Variants in MSI2 observed in about 807,000 individuals in gnomAD.
MSI2 encodes the protein musashi RNA binding protein 2, also known as RNA-binding protein Musashi homolog 2.
A neutral mutation model predicts 45.6 loss-of-function variants in MSI2; 17 were observed. The observed-to-expected ratio is 0.37, with a 90% CI of 0.26 to 0.56. The LOEUF (loss-of-function observed/expected upper bound fraction) is 0.56. MSI2 is among the 20% of genes least tolerant of loss of function. The pLI, the probability that MSI2 is intolerant of heterozygous loss-of-function variation, is 0.77. For synonymous variants in MSI2, 156 were observed against 158.2 expected (o/e 0.99, Z 0.11); for missense variants, 293 against 444.2 (o/e 0.66, Z 3.06).
chr17:57,487,454 C>A (rs2085778625), intron 6 of MSI2, among the ~76,000 whole-genome samples: 1 of 152,192 alleles, frequency 6.6e-6, no homozygotes, highest in Non-Finnish European at 1.5e-5. Context: ...TATGTGGTCC[C>A]TGTGTCCTCA....
At chr17:57,507,203 A>ATTGT (rs2086250816) in intron 6 of MSI2, among the ~76,000 whole-genome samples, 1 of 136,864 alleles carries the variant, frequency 7.3e-6, no homozygotes, top group African/African-American at 3.0e-5. Context: ...ATCTCTTCCC[A>ATTGT]TTGGTTTTTG....
chr17:57,394,506 T>C (rs1315203291), intron 5 of MSI2, among the ~76,000 whole-genome samples: 1 of 152,214 alleles, frequency 6.6e-6, no homozygotes, highest in Non-Finnish European at 1.5e-5. Context: ...AAAGGGCTTT[T>C]CCATAGGGGA....
chr17:57,321,227 C>G (rs1263021215), intron 5 of MSI2, among the ~76,000 whole-genome samples: 1 of 151,966 alleles, frequency 6.6e-6, no homozygotes, highest in East Asian at 1.9e-4. Flanking sequence ...GCTTCTGAGA[C>G]TGCTGTGTTC....
intron 5 of MSI2, among the ~76,000 whole-genome samples, chr17:57,362,623 T>C (rs1362081917): frequency 2.0e-5 from 3 of 152,218 alleles, no homozygotes; most frequent in African/African-American, 7.2e-5. Flanking sequence ...GGCTTTGAGT[T>C]GGAGGAGCCA....
intron 7 of MSI2, among the ~76,000 whole-genome samples, chr17:57,574,375 G>C (rs1264569672): frequency 6.6e-6 from 1 of 152,232 alleles, no homozygotes; most frequent in Admixed American, 6.5e-5. Flanking sequence ...CTAAGAACCA[G>C]AGTGCAAAGG....
chr17:57,356,590 A>G (rs1916440406), intron 5 of MSI2, among the ~76,000 whole-genome samples: 1 of 152,182 alleles, frequency 6.6e-6, no homozygotes, highest in Non-Finnish European at 1.5e-5. Flanking sequence ...TAGTTTCCTA[A>G]TTAGGCCTGT....
intron 5 of MSI2, among the ~76,000 whole-genome samples, chr17:57,382,353 G>A (rs1202283904): frequency 6.6e-6 from 1 of 152,154 alleles, no homozygotes; most frequent in Non-Finnish European, 1.5e-5. Context: ...GGGCGGAATT[G>A]AAGTTTTCAA....
chr17:57,462,629 T>G (rs2085252584), intron 6 of MSI2, among the ~76,000 whole-genome samples: 1 of 152,210 alleles, frequency 6.6e-6, no homozygotes, highest in African/African-American at 2.4e-5. Flanking sequence ...CAAAAAATAT[T>G]CCAGCACAGA....
chr17:57,333,896 A>T (rs1230450579), intron 5 of MSI2, among the ~76,000 whole-genome samples: 2 of 152,152 alleles, frequency 1.3e-5, no homozygotes, highest in African/African-American at 4.8e-5. Context: ...ACAGTGTGGC[A>T]TGTCTGGCCC....
intron 8 of MSI2, among the ~76,000 whole-genome samples, chr17:57,614,075 G>C (rs1907439150): frequency 6.6e-6 from 1 of 151,890 alleles, no homozygotes. Context: ...TTTTGAGATA[G>C]AGTCTCGCTC....
chr17:57,291,102 A>C (rs760454330), intron 5 of MSI2, among the ~76,000 whole-genome samples: 2 of 152,120 alleles, frequency 1.3e-5, no homozygotes, highest in Non-Finnish European at 2.9e-5. Flanking sequence ...CCAGCATCCC[A>C]TACTCAATTC....
intron 6 of MSI2, among the ~76,000 whole-genome samples, chr17:57,491,330 G>A (rs1207847991): frequency 6.6e-6 from 1 of 152,182 alleles, no homozygotes; most frequent in Non-Finnish European, 1.5e-5. Context: ...GAGATTCTAG[G>A]GTGTTAACTC....
intron 5 of MSI2, among the ~76,000 whole-genome samples, chr17:57,394,270 A>G (rs2083849080): frequency 6.6e-6 from 1 of 152,182 alleles, no homozygotes; most frequent in South Asian, 2.1e-4. Flanking sequence ...TAGGAAGGGC[A>G]AGATTTGGCT....
At chr17:57,285,661 G>T (rs564078246) in intron 5 of MSI2, among the ~76,000 whole-genome samples, 2 of 152,180 alleles carry the variant, frequency 1.3e-5, no homozygotes, top group Non-Finnish European at 2.9e-5. Context: ...CTTAGTAGGT[G>T]TTTTGAATTC....
At chr17:57,674,832 G>A (rs1337838541) in intron 11 of MSI2, 140 bp from the exon 12 acceptor site, 5 of 1,288,512 alleles carry the variant, frequency 3.9e-6, no homozygotes, top group African/African-American at 3.0e-5. Context: ...TTGGGCCTCA[G>A]CTGTTTTTCT....
At chr17:57,635,855 C>T (rs551029429) in intron 10 of MSI2, among the ~76,000 whole-genome samples, 4 of 152,354 alleles carry the variant, frequency 2.6e-5, no homozygotes, top group Admixed American at 6.5e-5. Context: ...GCAGAAAGGA[C>T]GGCTGTGATT....
In MSI2 at chr17:57,475,243, G is replaced by C. The variant is rs570247115; in HGVS notation, c.406-54433G>C. Among the ~76,000 whole-genome samples the C allele has an allele frequency of 7.1e-4, 108 of 152,358 alleles. 5 individuals carry two copies. The South Asian group carries it at 0.021, about 30-fold the overall frequency. ...CCAAAACGCCTAGGGAGGGCTCCCT[G>C]TTCTCACAGAGGTCCCAGTTGAGTG... On this transcript the variant is annotated intron_variant, in intron 6 of 13. Coordinates refer to ENST00000284073, the MANE Select transcript of MSI2 (RefSeq NM_138962.4).
intron 7 of MSI2, among the ~76,000 whole-genome samples, chr17:57,544,206 T>C (rs769530875): frequency 6.6e-6 from 1 of 152,172 alleles, no homozygotes; most frequent in Non-Finnish European, 1.5e-5. Context: ...TAAACTGGAA[T>C]CAAAAACGCT....
chr17:57,318,483 G>A (rs1483249960), intron 5 of MSI2, among the ~76,000 whole-genome samples: 2 of 152,130 alleles, frequency 1.3e-5, no homozygotes. Flanking sequence ...TTCTTCGCCT[G>A]TTTAGAGAGT....
Sources: allele counts gnomAD v4.1 joint callset (sites outside exome capture counted in the v4.1 genomes callset), GRCh38; gene constraint gnomAD v4.1.1; transcripts MANE v1.5; gene names NCBI Gene and HGNC (gene_info 2026-07-23, HGNC 2026-07-21).